Variants in SH3PXD2A observed in about 807,000 individuals in gnomAD.
The protein encoded by SH3PXD2A is SH3 and PX domain-containing protein 2A.
SH3PXD2A carries 32 observed loss-of-function variants against 115.2 expected under a neutral mutation model. That is an observed-to-expected ratio of 0.28 (90% confidence interval 0.21 to 0.37). SH3PXD2A has a LOEUF of 0.37. Among genes scored for constraint, SH3PXD2A ranks in the 10% least tolerant of loss-of-function variants. The pLI is 1.00. For synonymous variants in SH3PXD2A, 610 were observed against 629.1 expected (o/e 0.97, Z 0.45); for missense variants, 1,328 against 1,498.7 (o/e 0.89, Z 1.88).
chr10:103,726,470 G>C (rs1247345921), intron 4 of SH3PXD2A, among the ~76,000 whole-genome samples: 4 of 152,240 alleles, frequency 2.6e-5, no homozygotes, highest in Non-Finnish European at 4.4e-5. Context: ...AGACTCACTG[G>C]AAGGTAAGCT....
At chr10:103,643,172 A>G (rs543402154) in intron 8 of SH3PXD2A, among the ~76,000 whole-genome samples, 30 of 152,316 alleles carry the variant, frequency 2.0e-4, no homozygotes, top group Non-Finnish European at 3.7e-4. Flanking sequence ...GGGAGCAGCC[A>G]CCACGAATGC....
intron 5 of SH3PXD2A, among the ~76,000 whole-genome samples, chr10:103,717,321 G>A (rs1386938333): frequency 6.6e-6 from 1 of 152,206 alleles, no homozygotes; most frequent in Non-Finnish European, 1.5e-5. Flanking sequence ...CAGAGATGTG[G>A]GTTCCTTGGT....
intron 1 of SH3PXD2A, among the ~76,000 whole-genome samples, chr10:103,816,046 T>G (rs957022895): frequency 1.3e-5 from 2 of 152,056 alleles, no homozygotes; most frequent in Admixed American, 6.6e-5. Context: ...ATTTCCAGTA[T>G]GTAGAGTGAA....
intron 8 of SH3PXD2A, among the ~76,000 whole-genome samples, chr10:103,659,690 G>A (rs572771445): frequency 4.6e-5 from 7 of 152,356 alleles, no homozygotes; most frequent in South Asian, 4.1e-4. Flanking sequence ...CCTTGGTGAT[G>A]ACTCCAGGCA....
intron 3 of SH3PXD2A, among the ~76,000 whole-genome samples, chr10:103,757,894 A>G (rs1076813): frequency 0.57 from 86,721 of 152,102 alleles, 25,309 homozygotes; most frequent in African/African-American, 0.71. Context: ...CCTGGGCTGC[A>G]GTGGGAAGAG....
At chr10:103,708,241 C>A (rs185647631) in intron 5 of SH3PXD2A, among the ~76,000 whole-genome samples, 1 of 152,328 alleles carries the variant, frequency 6.6e-6, no homozygotes, top group South Asian at 2.1e-4. Flanking sequence ...TCTCCACACT[C>A]GTTACAGAAA....
intron 2 of SH3PXD2A, among the ~76,000 whole-genome samples, chr10:103,789,115 C>T (rs1361913933): frequency 1.3e-5 from 2 of 152,058 alleles, no homozygotes; most frequent in African/African-American, 4.8e-5. Flanking sequence ...GACTGCCCTA[C>T]ATGCCTCATT....
intron 1 of SH3PXD2A, among the ~76,000 whole-genome samples, chr10:103,832,414 C>T (rs1290989900): frequency 6.6e-6 from 1 of 150,724 alleles, no homozygotes; most frequent in African/African-American, 2.4e-5. Context: ...ACCAGCTGAT[C>T]TGGAGGAAAT....
At chr10:103,664,803 A>T (rs560173334) in intron 7 of SH3PXD2A, among the ~76,000 whole-genome samples, 18 of 152,028 alleles carry the variant, frequency 1.2e-4, no homozygotes, top group African/African-American at 3.4e-4. Flanking sequence ...AGTAGCTGGG[A>T]TTACAGGTGC....
At chr10:103,667,428 G>A (rs1384692790) in intron 7 of SH3PXD2A, among the ~76,000 whole-genome samples, 1 of 152,244 alleles carries the variant, frequency 6.6e-6, no homozygotes, top group East Asian at 1.9e-4. Context: ...TGAATAAAAT[G>A]TATTGCTGTG....
chr10:103,798,131 C>T (rs1374472000), intron 2 of SH3PXD2A, among the ~76,000 whole-genome samples: 1 of 151,980 alleles, frequency 6.6e-6, no homozygotes, highest in East Asian at 1.9e-4. Context: ...AGGGGAAGTA[C>T]GGGGAGACCC....
intron 3 of SH3PXD2A, among the ~76,000 whole-genome samples, chr10:103,749,239 C>T (rs115453278): frequency 0.013 from 2,018 of 152,250 alleles, 54 homozygotes; most frequent in African/African-American, 0.046. Context: ...GCACATACAA[C>T]GTAAACTCAC....
chr10:103,608,147 A>AAAAAAAAAAAAAAAG (rs2036355864), intron 13 of SH3PXD2A, among the ~76,000 whole-genome samples: 1 of 9,214 alleles, frequency 1.1e-4, no homozygotes, highest in Non-Finnish European at 1.8e-4. Flanking sequence ...AGAATGATCA[A>AAAAAAAAAAAAAAAG]TTTAAAAAAA....
intron 1 of SH3PXD2A, among the ~76,000 whole-genome samples, chr10:103,827,537 C>G (rs1589473679): frequency 6.6e-6 from 1 of 152,162 alleles, no homozygotes; most frequent in Non-Finnish European, 1.5e-5. Context: ...GTAAAGTGAA[C>G]CTCACAGGAG....
At chr10:103,751,574 A>C (rs2038580193) in intron 3 of SH3PXD2A, among the ~76,000 whole-genome samples, 1 of 152,250 alleles carries the variant, frequency 6.6e-6, no homozygotes, top group Non-Finnish European at 1.5e-5. Flanking sequence ...CCTGTTAACC[A>C]AGATAAAATG....
At chr10:103,737,256 C>G (rs1280831809) in intron 3 of SH3PXD2A, among the ~76,000 whole-genome samples, 1 of 152,190 alleles carries the variant, frequency 6.6e-6, no homozygotes, top group African/African-American at 2.4e-5. Context: ...ATACCATTTT[C>G]TTTTTCATTT....
At chr10:103,799,546 C>T (rs557318585) in intron 2 of SH3PXD2A, among the ~76,000 whole-genome samples, 2 of 152,358 alleles carry the variant, frequency 1.3e-5, no homozygotes, top group Non-Finnish European at 2.9e-5. Flanking sequence ...AATGAGCCCT[C>T]CAGGCAAGGG....
At chr10:103,779,478 G>A (rs1000323503) in intron 2 of SH3PXD2A, among the ~76,000 whole-genome samples, 3 of 152,198 alleles carry the variant, frequency 2.0e-5, no homozygotes, top group African/African-American at 7.2e-5. Flanking sequence ...GCTGGAGCAG[G>A]GAGGGTATAC....
chr10:103,595,682 A>C lies in SH3PXD2A; in HGVS notation c.*6134T>G, dbSNP rs1295610380. The C allele has an allele frequency of 3.3e-5, 5 of 152,576 alleles. No individual in the cohort carries two copies. In the East Asian group the frequency reaches 9.6e-4, roughly 29 times the overall value. 9.5% of individuals were successfully genotyped at this position (152,576 alleles called of 1,614,324 possible). ...CCATTCTCTAAGGCCACTGAGTTCT[A>C]GGACTGGAGTAGGAGAGGGTGCTGT... On this transcript the variant is annotated 3_prime_UTR_variant, in exon 15 of 15. Transcript: ENST00000369774.
Sources: gnomAD v4.1 joint callset for allele counts (sites outside exome capture counted in the v4.1 genomes callset) on GRCh38, gnomAD v4.1.1 for gene constraint, MANE v1.5 for transcripts, NCBI Gene and HGNC (gene_info 2026-07-23, HGNC 2026-07-21) for gene names.